The following FGF1 variants were observed in gnomAD, a reference collection of about 807,000 sequenced individuals.
The protein encoded by FGF1 is fibroblast growth factor 1.
FGF1 carries 9 observed loss-of-function variants against 13.4 expected under a neutral mutation model. That is an observed-to-expected ratio of 0.67 (90% CI 0.40 to 1.17). The LOEUF is 1.17. Ranked by LOEUF, FGF1 falls within the 50% of genes most tolerant of loss-of-function variation. The pLI is 0.01. For synonymous variants in FGF1, 93 were observed against 79.0 expected, an observed-to-expected ratio of 1.18 and a Z score of -0.94; for missense variants, 156 against 192.7, an observed-to-expected ratio of 0.81 and a Z score of 1.13.
intron 1 of FGF1, among the ~76,000 whole-genome samples, chr5:142,647,077 A>C (rs1335812261): frequency 6.6e-6 from 1 of 152,168 alleles, no homozygotes; most frequent in East Asian, 1.9e-4. Context: ...TGGTGAAGAG[A>C]GGGAGGGGAA....
At position 142,592,678 on chromosome 5, in the gene FGF1, A is replaced by T. The variant is rs945314626; in HGVS notation, c.*2612T>A. Reference sequence around the variant, plus strand: ...GAACTACCAACCTCTTCCTTCTAAGAAGATCTGACAGGCTCTTTGGCTGAT... The same window carrying T: ...GAACTACCAACCTCTTCCTTCTAAGTAGATCTGACAGGCTCTTTGGCTGAT... On this transcript the variant is annotated 3_prime_UTR_variant, in exon 4 of 4. Transcript: ENST00000337706. 2 of 381,154 alleles carry T rather than the reference A, an allele frequency of 5.2e-6. No homozygotes were observed. Among genetic ancestry groups the T allele is most frequent in the African/African-American group, 2.1e-5 (1 of 48,206 alleles). The allele number at this position is 381,154 out of a possible 1,614,324, so 23.6% of individuals were successfully genotyped here.
At chr5:142,651,232 C>A (rs551513845) in intron 1 of FGF1, among the ~76,000 whole-genome samples, 8 of 152,286 alleles carry the variant, frequency 5.3e-5, no homozygotes, top group African/African-American at 1.9e-4. Flanking sequence ...GAACCCACCA[C>A]GACTTGCCTA....
At chr5:142,595,930 A>T (rs1353775706) in intron 3 of FGF1, among the ~76,000 whole-genome samples, 1 of 152,282 alleles carries the variant, frequency 6.6e-6, no homozygotes, top group East Asian at 1.9e-4. Context: ...CCAGACTGTG[A>T]TGTAGTGGGT....
At position 142,660,119 on chromosome 5, in the gene FGF1, T is replaced by C. The variant is rs17223297; in HGVS notation, c.-35+25838A>G. 3.3e-3 allele frequency among the ~76,000 whole-genome samples: 499 copies of C among 152,394 alleles called. 3 individuals are homozygous for C. The highest frequency in any genetic ancestry group is 0.011 in the African/African-American group (439 of 41,598). Reference sequence around the variant, plus strand: ...GGTTTCTCTTAATTTGTCTCTTCTCTGGGCTTCTTCCCGAGGCCTCAACTG... The same window carrying C: ...GGTTTCTCTTAATTTGTCTCTTCTCCGGGCTTCTTCCCGAGGCCTCAACTG... On this transcript the variant is annotated intron_variant, in intron 1 of 3. Transcript: ENST00000337706.
At chr5:142,648,689 CAAAAAA>C (rs11451715) in intron 1 of FGF1, among the ~76,000 whole-genome samples, 10 of 66,228 alleles carry the variant, frequency 1.5e-4, no homozygotes, top group African/African-American at 4.9e-4. Context: ...CCCCACCAAC[CAAAAAA>C]AAAAAAAAAA....
chr5:142,643,895 A>G (rs1360084695), intron 1 of FGF1, among the ~76,000 whole-genome samples: 1 of 152,228 alleles, frequency 6.6e-6, no homozygotes, highest in African/African-American at 2.4e-5. Context: ...ATGAAATGAA[A>G]TAATGCATGT....
At chr5:142,665,715 C>T (rs1414078144) in intron 1 of FGF1, among the ~76,000 whole-genome samples, 1 of 152,118 alleles carries the variant, frequency 6.6e-6, no homozygotes, top group African/African-American at 2.4e-5. Context: ...TTAGAGCCTC[C>T]CCATATCTTC....
intron 2 of FGF1, among the ~76,000 whole-genome samples, chr5:142,604,750 C>T (rs1296636488): frequency 2.0e-5 from 3 of 152,166 alleles, no homozygotes; most frequent in Admixed American, 6.5e-5. Context: ...CAATGTTATA[C>T]TTCTAAGAAG....
In FGF1 at chr5:142,680,110, T is replaced by A. The variant is rs552962207; in HGVS notation, c.-35+5847A>T. 2.6e-4 allele frequency: 39 copies of A among 152,318 alleles called. 1 individual carries two copies. Among genetic ancestry groups the A allele is most frequent in the African/African-American group, 9.4e-4 (39 of 41,562 alleles). 9.4% of individuals were successfully genotyped at this position (152,318 alleles called of 1,614,324 possible). On this transcript the variant is annotated intron_variant, in intron 1 of 3. Coordinates refer to ENST00000337706, the MANE Select transcript of FGF1 (RefSeq NM_000800.5). ...TATAGTGGAGTAGGACCCACCCTAA[T>A]GATTTCATTGTAACTTGATTATCTC...
At chr5:142,629,877 T>TAA (rs1309938101) in intron 1 of FGF1, among the ~76,000 whole-genome samples, 1,920 of 137,506 alleles carry the variant, frequency 0.014, 26 homozygotes, top group African/African-American at 0.033. Context: ...TACATATATA[T>TAA]TATATATATA....
At chr5:142,667,279 G>T (rs1468608503) in intron 1 of FGF1, among the ~76,000 whole-genome samples, 1 of 147,930 alleles carries the variant, frequency 6.8e-6, no homozygotes, top group Non-Finnish European at 1.5e-5. Context: ...GCGAGACTCG[G>T]TCTCAAGAAA....
rs1342762371 is a variant in FGF1, at chr5:142,598,548, T to C, written c.273+2154A>G. On this transcript the variant is annotated intron_variant, in intron 3 of 3. Transcript: ENST00000337706. ...AGGAAGTTATTCACATATTATAAAA[T>C]CACCCATTCTCCACCCCCAGAGATA... Among the ~76,000 whole-genome samples, 5 of 152,214 alleles carry C rather than the reference T, an allele frequency of 3.3e-5. No homozygotes were observed. The East Asian group carries it at 9.6e-4, about 29-fold the overall frequency.
At chr5:142,678,609 T>C (rs913515226) in intron 1 of FGF1, among the ~76,000 whole-genome samples, 2 of 152,190 alleles carry the variant, frequency 1.3e-5, no homozygotes, top group Non-Finnish European at 2.9e-5. Context: ...AGTGCTCTCA[T>C]GGGCTCTGCC....
intron 2 of FGF1, among the ~76,000 whole-genome samples, chr5:142,608,595 CACAT>C (rs1260187664): frequency 8.1e-6 from 1 of 123,594 alleles, no homozygotes; most frequent in African/African-American, 3.2e-5. Context: ...CACACACACA[CACAT>C]ATATGTAAAT....
chr5:142,635,642 C>T (rs1396464985), intron 1 of FGF1, among the ~76,000 whole-genome samples: 2 of 152,226 alleles, frequency 1.3e-5, no homozygotes, highest in African/African-American at 2.4e-5. Flanking sequence ...CATACCATGG[C>T]ACTCCCACCC....
At position 142,629,699 on chromosome 5, in the gene FGF1, C is replaced by T. The variant is rs778896962; in HGVS notation, c.-34-15538G>A. On this transcript the variant is annotated intron_variant, in intron 1 of 3. Coordinates refer to ENST00000337706, the MANE Select transcript of FGF1 (RefSeq NM_000800.5). ...TGTATATGCACACTAATGTAAACCTCGTAGGGGCCCATTTCAAATTTGTTT... is the reference window on the plus strand; with the variant it reads ...TGTATATGCACACTAATGTAAACCTTGTAGGGGCCCATTTCAAATTTGTTT... Among the ~76,000 whole-genome samples the T allele has an allele frequency of 1.1e-3, 170 of 151,894 alleles. 2 individuals are homozygous for T. Among genetic ancestry groups the T allele is most frequent in the Admixed American group, 3.0e-3 (45 of 15,220 alleles).
intron 1 of FGF1, among the ~76,000 whole-genome samples, chr5:142,623,942 A>G (rs1762058562): frequency 6.6e-6 from 1 of 151,518 alleles, no homozygotes; most frequent in Non-Finnish European, 1.5e-5. Flanking sequence ...TGTTTGAGAC[A>G]GAGTTTCGCT....
chr5:142,650,031 G>T (rs1263951902), intron 1 of FGF1, among the ~76,000 whole-genome samples: 1 of 152,182 alleles, frequency 6.6e-6, no homozygotes, highest in Admixed American at 6.5e-5. Flanking sequence ...CCCCACCTCA[G>T]CTCTAGTGAA....
chr5:142,615,254 G>A (rs1260417675), intron 1 of FGF1, among the ~76,000 whole-genome samples: 1 of 151,830 alleles, frequency 6.6e-6, no homozygotes, highest in East Asian at 1.9e-4. Context: ...CGGAGTCTCT[G>A]TAGCCCAGGA....
Sources: gnomAD v4.1 joint callset for allele counts (sites outside exome capture counted in the v4.1 genomes callset) on GRCh38, gnomAD v4.1.1 for gene constraint, MANE v1.5 for transcripts, NCBI Gene and HGNC (gene_info 2026-07-23, HGNC 2026-07-21) for gene names.